NCF2: variants seen among roughly 807,000 people sequenced by gnomAD.
NCF2 encodes neutrophil cytosol factor 2.
In NCF2, 45 loss-of-function variants were observed where a neutral mutation model predicts 70.9. The observed-to-expected ratio is 0.63, with a 90% CI of 0.50 to 0.81. NCF2 has a LOEUF of 0.81. Ranked by LOEUF, NCF2 falls within the 40% of genes least tolerant of loss-of-function variation. NCF2 has a pLI of 0.00. For missense variants in NCF2, 522 were observed against 631.6 expected (o/e 0.83, Z 1.86); for synonymous variants, 203 against 233.6 (o/e 0.87, Z 1.19).
chr1:183,593,664 TTC>T (rs1159647126), upstream of NCF2, among the ~76,000 whole-genome samples: 1 of 152,204 alleles, frequency 6.6e-6, no homozygotes, highest in East Asian at 1.9e-4. Context: ...ATGTGCACGG[TTC>T]TCTCTGATCA....
chr1:183,565,224 T>C (rs1172442401), intron 10 of NCF2, among the ~76,000 whole-genome samples: 1 of 152,204 alleles, frequency 6.6e-6, no homozygotes, highest in Non-Finnish European at 1.5e-5. Context: ...CTCTCCACAC[T>C]AGGAAACAGC....
At chr1:183,572,129 G>T (rs1029206542) in intron 5 of NCF2, among the ~76,000 whole-genome samples, 34 of 152,150 alleles carry the variant, frequency 2.2e-4, no homozygotes, top group Admixed American at 2.2e-3. Context: ...GTTTTGGAAG[G>T]GCACTGCTGA....
chr1:183,563,794 T>C, intron 11 of NCF2: 1 of 806,238 alleles, frequency 1.2e-6, no homozygotes, highest in Non-Finnish European at 2.1e-6. Flanking sequence ...CTGAGTAAGA[T>C]CTGGCCCACT....
chr1:183,582,810 G>A (rs1483957523), intron 2 of NCF2, among the ~76,000 whole-genome samples: 2 of 152,174 alleles, frequency 1.3e-5, no homozygotes, highest in Non-Finnish European at 2.9e-5. Flanking sequence ...ACAGCTTCGA[G>A]CCCCTGTGCC....
chr1:183,601,837 G>A, the NCF2 span, among the ~76,000 whole-genome samples: 3 of 142,310 alleles, frequency 2.1e-5, no homozygotes, highest in South Asian at 2.2e-4. Context: ...CAGACTGGGC[G>A]ACAGAGAGAG....
At chr1:183,576,307 A>G (rs1301232246) in intron 3 of NCF2, among the ~76,000 whole-genome samples, 15 of 152,194 alleles carry the variant, frequency 9.9e-5, no homozygotes, top group Admixed American at 9.8e-4. Flanking sequence ...ACTCCAGGGG[A>G]AACATTCCTC....
intron 10 of NCF2, 110 bp from the exon 11 acceptor site, chr1:183,564,140 T>TA (rs1672202808): frequency 9.5e-7 from 1 of 1,049,382 alleles, no homozygotes; most frequent in African/African-American, 1.6e-5. Context: ...CCCAACCTCT[T>TA]ACCCTTTAAT....
At chr1:183,580,738 A>T (rs1289388791) in intron 2 of NCF2, among the ~76,000 whole-genome samples, 7 of 152,162 alleles carry the variant, frequency 4.6e-5, no homozygotes, top group Admixed American at 4.6e-4. Flanking sequence ...GCATTTTGGG[A>T]GGCCAAGGCA....
intron 13 of NCF2, among the ~76,000 whole-genome samples, chr1:183,561,049 C>T: frequency 6.6e-6 from 1 of 152,226 alleles, no homozygotes; most frequent in East Asian, 1.9e-4. Context: ...AATTCTGATA[C>T]TTGCTAAAGT....
chr1:183,558,419 C>T (rs1382479985), intron 14 of NCF2, among the ~76,000 whole-genome samples: 1 of 151,328 alleles, frequency 6.6e-6, no homozygotes, highest in Non-Finnish European at 1.5e-5. Context: ...AAGCACCTAC[C>T]ACTATACCCG....
the NCF2 span, among the ~76,000 whole-genome samples, chr1:183,599,562 T>C: frequency 6.6e-6 from 1 of 151,188 alleles, no homozygotes. Context: ...TCTTTCTTTC[T>C]TTCTTTTGAG....
the NCF2 span, among the ~76,000 whole-genome samples, chr1:183,600,785 G>A: frequency 2.0e-5 from 3 of 152,066 alleles, no homozygotes; most frequent in East Asian, 1.9e-4. Flanking sequence ...CTCCCAGAAT[G>A]ATGGGTTCCT....
chr1:183,573,126 C>A (rs1042751167), intron 5 of NCF2, 59 bp downstream of exon 5: 5 of 1,505,596 alleles, frequency 3.3e-6, no homozygotes, highest in Non-Finnish European at 4.6e-6. Flanking sequence ...TCCCTCCCAC[C>A]TTGCTCCACA....
intron 13 of NCF2, among the ~76,000 whole-genome samples, chr1:183,562,823 CAAA>C (rs869202704): frequency 1.9e-5 from 2 of 107,562 alleles, no homozygotes; most frequent in Admixed American, 9.9e-5. Context: ...GACTCCATCT[CAAA>C]AAAAAAAAAA....
chr1:183,557,939 A>G (rs572185369), intron 14 of NCF2, among the ~76,000 whole-genome samples: 3 of 152,202 alleles, frequency 2.0e-5, no homozygotes, highest in South Asian at 4.2e-4. Flanking sequence ...CAAAGGTGCA[A>G]TCTTGACTCA....
intron 7 of NCF2, among the ~76,000 whole-genome samples, chr1:183,568,716 G>A (rs1036155130): frequency 6.7e-6 from 1 of 149,196 alleles, no homozygotes; most frequent in Non-Finnish European, 1.5e-5. Context: ...GCCTGCCCCC[G>A]TCAGAGGGGA....
chr1:183,589,470 C>T (rs561666354), intron 1 of NCF2, among the ~76,000 whole-genome samples: 1 of 152,320 alleles, frequency 6.6e-6, no homozygotes, highest in African/African-American at 2.4e-5. Context: ...ACTCCATACC[C>T]TTTCCACCTT....
chr1:183,597,302 T>C, the NCF2 span, among the ~76,000 whole-genome samples: 1 of 152,160 alleles, frequency 6.6e-6, no homozygotes, highest in Non-Finnish European at 1.5e-5. Context: ...CAGGATAGTT[T>C]TTGTGTGTGT....
chr1:183,565,699 C>G lies in NCF2; in HGVS notation c.1000+5G>C, dbSNP rs1369090521. On this transcript the variant is annotated splice_donor_5th_base_variant and intron_variant, in intron 10 of 14. Coordinates refer to ENST00000367535, the MANE Select transcript of NCF2 (RefSeq NM_000433.4). Reference sequence around the variant, plus strand: ...GACCTAGGCTGTGGCTCCAGGACCACTCACCTGGTGACAGCTGGGGTCTTC... The same window carrying G: ...GACCTAGGCTGTGGCTCCAGGACCAGTCACCTGGTGACAGCTGGGGTCTTC... 1 of 1,612,248 alleles carries G rather than the reference C, an allele frequency of 6.2e-7. No individual in the cohort carries two copies. The highest frequency in any genetic ancestry group is 8.5e-7 in the Non-Finnish European group (1 of 1,179,868).
Sources: allele counts gnomAD v4.1 joint callset (sites outside exome capture counted in the v4.1 genomes callset), GRCh38; gene constraint gnomAD v4.1.1; transcripts MANE v1.5; gene names NCBI Gene and HGNC (gene_info 2026-07-23, HGNC 2026-07-21).